Variants in DHX34 observed in about 807,000 individuals in gnomAD.
DHX34 encodes the protein probable ATP-dependent RNA helicase DHX34.
A neutral mutation model predicts 111.1 loss-of-function variants in DHX34; 96 were observed. The ratio of observed to expected loss-of-function variants is 0.86; its 90% CI spans 0.73 to 1.02. The LOEUF (loss-of-function observed/expected upper bound fraction) is 1.02, where lower values mean the gene tolerates loss of function less well. DHX34 is among the 50% of genes least tolerant of loss of function. The probability of loss-of-function intolerance (pLI) is 0.00; values close to 1 mark genes in which losing one functional copy is unlikely to be tolerated. For synonymous variants in DHX34, 688 were observed against 670.4 expected (o/e 1.03, Z -0.41); for missense variants, 1,560 against 1,579.9 (o/e 0.99, Z 0.21).
At chr19:47,376,617 C>T (rs10419083) in intron 12 of DHX34, 57 bp downstream of exon 12, 215,170 of 1,532,724 alleles carry the variant, frequency 0.14, 16,043 homozygotes, top group Middle Eastern at 0.17. Flanking sequence ...GCAGGGATAC[C>T]GTGAACTCCC....
intron 4 of DHX34, among the ~76,000 whole-genome samples, chr19:47,358,707 C>T (rs867894698): frequency 7.2e-5 from 11 of 152,054 alleles, no homozygotes; most frequent in African/African-American, 2.2e-4. Flanking sequence ...CTCCACCTCC[C>T]GGGTTCAAGC....
rs1050117433 is a variant in DHX34 at position 47,362,826 on chromosome 19, A to G, written c.1593+133A>G. 3 of 872,744 alleles carry G rather than the reference A, an allele frequency of 3.4e-6. No homozygotes were observed. In the African/African-American group the frequency reaches 5.3e-5, roughly 15 times the overall value. 54.1% of individuals were successfully genotyped at this position (872,744 alleles called of 1,614,324 possible). A position where few individuals can be genotyped will look rare whatever the true frequency, so the allele number is the denominator to read the frequency against. ...TGCTCTGTCACTCAGGCTAGAGTGC[A>G]GTGCTGTGATCATGGCTCACTGCAG... On this transcript the variant is annotated intron_variant, in intron 6 of 16. Transcript: ENST00000328771.
At chr19:47,376,771 A>G in intron 12 of DHX34, 2 of 1,464,150 alleles carry the variant, frequency 1.4e-6, no homozygotes, top group Non-Finnish European at 1.8e-6. Flanking sequence ...TGGTGGTGAT[A>G]GTCAACCTAA....
chr19:47,382,076 C>T lies in DHX34; in HGVS notation c.3395C>T (p.Pro1132Leu). Residue 1132 changes from proline (P) to leucine (L), a missense_variant, in exon 17 of 17, where the codon CCC becomes CTC. Physicochemically the swap from Pro to Leu is moderately conservative, Grantham distance 98. Transcript: ENST00000328771. ...TGCGGGAAGGACTTCCTCTTTACAC[C>T]CACAGAGGTGCTGCGCCACCGGAAG... is the stretch of plus-strand genomic sequence containing the variant. ...EACGKDFLFT[P>L]TEVLRHRKQH... is the part of the protein sequence containing the mutation. 1 of 1,614,072 alleles carries T rather than the reference C, an allele frequency of 6.2e-7. No individual in the cohort carries two copies. The highest frequency in any genetic ancestry group is 1.1e-5 in the South Asian group (1 of 91,084).
chr19:47,351,165 CTTTTTCTTTT>C (rs1284501143), intron 1 of DHX34, among the ~76,000 whole-genome samples: 110 of 128,028 alleles, frequency 8.6e-4, no homozygotes, highest in African/African-American at 3.1e-3. Flanking sequence ...CTCTCATTTT[CTTTTTCTTTT>C]TTTTTTTTTT....
At position 47,353,846 on chromosome 19, in the gene DHX34, C is replaced by T. The variant is rs1199109626; in HGVS notation, c.705+111C>T. The T allele has an allele frequency of 1.6e-5, 17 of 1,058,336 alleles. No homozygotes were observed. Among genetic ancestry groups the T allele is most frequent in the South Asian group, 3.4e-5 (2 of 58,084 alleles). The allele number at this position is 1,058,336 out of a possible 1,614,324, so 65.6% of individuals were successfully genotyped here. A position where few individuals can be genotyped will look rare whatever the true frequency, so the allele number is the denominator to read the frequency against. ...ATGAAGCACTTACCCTTGGACCCAG[C>T]GATGATTCTTCTAGAACTTTATCCA... On this transcript the variant is annotated intron_variant, in intron 2 of 16. Coordinates refer to ENST00000328771, the MANE Select transcript of DHX34 (RefSeq NM_014681.6). The surrounding 1 kb of genome is among the most constrained non-coding windows in gnomAD (Gnocchi z 4.6).
intron 7 of DHX34, among the ~76,000 whole-genome samples, chr19:47,370,358 C>T (rs1026545779): frequency 2.6e-5 from 4 of 152,092 alleles, no homozygotes; most frequent in African/African-American, 9.7e-5. Context: ...ACAGCGTGTC[C>T]CCAGCTCTGC....
rs1969809515 is a variant in DHX34 at position 47,367,053 on chromosome 19, AC to A, written c.1668del (p.Ala557ProfsTer24). ...IEPPPPASLE[T>X]AILYLRDQGA... is the part of the protein sequence containing the mutation. ...GCCCCCACCACCAGCCAGCCTGGAA[AC>A]CGCCATCCTCTACCTCCGGGACCAG... On this transcript the variant is annotated frameshift_variant, in exon 7 of 17. Transcript: ENST00000328771. LOFTEE classifies it high-confidence loss of function. The A allele has an allele frequency of 6.6e-7, 1 of 1,517,318 alleles. No individual in the cohort carries two copies. Among genetic ancestry groups the A allele is most frequent in the Non-Finnish European group, 9.0e-7 (1 of 1,109,404 alleles). The allele number at this position is 1,517,318 out of a possible 1,614,324, so 94.0% of individuals were successfully genotyped here. A position where few individuals can be genotyped will look rare whatever the true frequency, so the allele number is the denominator to read the frequency against.
chr19:47,381,836 T>C, intron 16 of DHX34, 144 bp from the exon 17 acceptor site: 1 of 1,482,048 alleles, frequency 6.7e-7, no homozygotes, highest in Non-Finnish European at 8.9e-7. Context: ...TTTATTAATC[T>C]GGGAGGGCTT....
intron 16 of DHX34, 21 bp from the exon 17 acceptor site, chr19:47,381,959 C>T (rs1970374160): frequency 1.9e-6 from 3 of 1,613,984 alleles, no homozygotes; most frequent in African/African-American, 1.3e-5. Context: ...CCCTCACAGC[C>T]TCCTCCTTTT....
At chr19:47,369,703 C>T (rs1568401884) in intron 7 of DHX34, among the ~76,000 whole-genome samples, 1 of 152,082 alleles carries the variant, frequency 6.6e-6, no homozygotes, top group East Asian at 1.9e-4. Flanking sequence ...ACAGTGACAT[C>T]TGGGCAGAGG....
At position 47,362,561 on chromosome 19, in the gene DHX34, G is replaced by A. The variant is rs1419259131; in HGVS notation, c.1461G>A (p.Gln487=). 1.2e-6 allele frequency: 2 copies of A among 1,613,264 alleles called. No individual in the cohort carries two copies. The highest frequency in any genetic ancestry group is 4.5e-5 in the East Asian group (2 of 44,838). Residue 487 remains glutamine, a synonymous_variant, in exon 6 of 17, where the codon CAG becomes CAA. Transcript: ENST00000328771. ...EFWISQASAE[Q]RKGRAGRTGP... is the part of the protein sequence containing the mutation. ...GGATTAGTCAGGCCAGCGCAGAGCAGCGGAAGGGCCGGGCGGGCCGCACGG... is the reference window on the plus strand; with the variant it reads ...GGATTAGTCAGGCCAGCGCAGAGCAACGGAAGGGCCGGGCGGGCCGCACGG...
chr19:47,359,285 G>T (rs974944529), intron 4 of DHX34, among the ~76,000 whole-genome samples: 1 of 152,092 alleles, frequency 6.6e-6, no homozygotes, highest in Non-Finnish European at 1.5e-5. Flanking sequence ...AACACAGTGA[G>T]ACCTTGTCTC....
chr19:47,379,878 G>T lies in DHX34; in HGVS notation c.2875G>T (p.Ala959Ser), dbSNP rs763868079. The change falls in exon 14 of 17, where the codon GCG (alanine) becomes TCG (serine). Residue 959 changes from alanine to serine, a missense_variant. Transcript: ENST00000328771. ...GGAAAGTGCCCTGGACCGGCAGCTG[G>T]CGCACCAGGCCCAGCAGCAGCTGGA... ...RWESALDRQL[A>S]HQAQQQLEEE... 1.8e-5 allele frequency: 29 copies of T among 1,613,454 alleles called. No homozygotes were observed. In the African/African-American group the frequency reaches 2.7e-4, roughly 15 times the overall value.
rs1341656017 is a variant in DHX34, at chr19:47,373,736, T to C, written c.2064+36T>C. 6 of 1,600,642 alleles carry C rather than the reference T, an allele frequency of 3.7e-6. No individual in the cohort carries two copies. In the African/African-American group the frequency reaches 6.7e-5, roughly 18 times the overall value. ...GGAGGAGGGGTAAGGCCGGCCCCACTCAGGCAGACGTGTGTAAGCACACTC... is the reference window on the plus strand; with the variant it reads ...GGAGGAGGGGTAAGGCCGGCCCCACCCAGGCAGACGTGTGTAAGCACACTC... On this transcript the variant is annotated intron_variant, in intron 9 of 16. Transcript: ENST00000328771.
At chr19:47,377,023 A>G (rs1447043841) in intron 12 of DHX34, 77 bp from the exon 13 acceptor site, 3 of 1,607,340 alleles carry the variant, frequency 1.9e-6, no homozygotes, top group Non-Finnish European at 2.5e-6. Context: ...GTGTACTTTG[A>G]CCGGGTGGGA....
In DHX34 at chr19:47,380,780, TCTGTCTCTCTCCATTTC is replaced by T. The variant is rs773905802; in HGVS notation, c.2983-26_2983-10del. 1.1e-5 allele frequency: 17 copies of T among 1,612,108 alleles called. No individual in the cohort carries two copies. In the African/African-American group the frequency reaches 2.1e-4, roughly 20 times the overall value. ...GGTGCTTTGGCGGCATCTCCCTGAG[TCTGTCTCTCTCCATTTC>T]CTGTCTCTCCTTCCTTAGATTCCTT... On this transcript the variant is annotated intron_variant, in intron 14 of 16. Transcript: ENST00000328771.
At chr19:47,381,743 C>G (rs1880852) in intron 16 of DHX34, 44,366 of 662,438 alleles carry the variant, frequency 0.067, 2,013 homozygotes, top group African/African-American at 0.2. Flanking sequence ...GTGTCTGCCT[C>G]TCAGTCTCCA....
At chr19:47,372,591 G>A in intron 7 of DHX34, 139 bp from the exon 8 acceptor site, 1 of 1,410,608 alleles carries the variant, frequency 7.1e-7, no homozygotes, top group South Asian at 1.6e-5. Context: ...ATCTCCATCT[G>A]GGTCACAAGA....
Sources: allele counts gnomAD v4.1 joint callset (sites outside exome capture counted in the v4.1 genomes callset), GRCh38; gene constraint gnomAD v4.1.1; non-coding constraint Gnocchi (gnomAD v3.1); transcripts MANE v1.5; gene names NCBI Gene and HGNC (gene_info 2026-07-23, HGNC 2026-07-21).